Variants in SPTLC3 observed in about 807,000 individuals in gnomAD.
SPTLC3 encodes serine palmitoyltransferase long chain base subunit 3, also known as serine palmitoyltransferase 3.
SPTLC3 carries 36 observed loss-of-function variants against 59.3 expected under a neutral mutation model. The observed-to-expected ratio is 0.61, with a 90% confidence interval of 0.47 to 0.80. The LOEUF (loss-of-function observed/expected upper bound fraction) is 0.80. Ranked by LOEUF, SPTLC3 falls within the 30% of genes least tolerant of loss-of-function variation. SPTLC3 has a pLI of 0.00. For synonymous variants in SPTLC3, 257 were observed against 240.8 expected (o/e 1.07, Z -0.62); for missense variants, 625 against 685.1 (o/e 0.91, Z 0.98).
chr20:13,067,863 A>G (rs1385758686), intron 2 of SPTLC3, among the ~76,000 whole-genome samples: 2 of 152,240 alleles, frequency 1.3e-5, no homozygotes, highest in African/African-American at 4.8e-5. Context: ...TGAAGTGTCA[A>G]TGTAGACGCA....
At chr20:13,078,415 C>T (rs889920519) in intron 4 of SPTLC3, among the ~76,000 whole-genome samples, 1 of 151,342 alleles carries the variant, frequency 6.6e-6, no homozygotes, top group African/African-American at 2.4e-5. Context: ...AATTCATTAT[C>T]CATTTCTCTA....
chr20:13,111,960 C>T (rs575049398), intron 7 of SPTLC3, among the ~76,000 whole-genome samples: 1 of 152,302 alleles, frequency 6.6e-6, no homozygotes, highest in Non-Finnish European at 1.5e-5. Context: ...CTGCATCCCA[C>T]CACTTCAGAA....
chr20:13,021,657 G>C (rs564553242), intron 1 of SPTLC3, among the ~76,000 whole-genome samples: 1 of 147,960 alleles, frequency 6.8e-6, no homozygotes. Context: ...CTTAGATTGT[G>C]TGGTCCAACT....
At chr20:13,099,103 G>A (rs1157732438) in intron 6 of SPTLC3, among the ~76,000 whole-genome samples, 3 of 152,142 alleles carry the variant, frequency 2.0e-5, no homozygotes, top group Non-Finnish European at 4.4e-5. Context: ...AATTCAGGCC[G>A]CAAAACAGCT....
chr20:13,115,416 GC>G lies in SPTLC3; in HGVS notation c.933-2086del, dbSNP rs765648686. ...CAGGCTCCTAACATCAGCTAGACCA[GC>G]CCCATGGAAGGATGGTTAATTAGCT... is the stretch of plus-strand genomic sequence containing the variant. On this transcript the variant is annotated intron_variant, in intron 7 of 11. Transcript: ENST00000399002. 9.9e-5 allele frequency among the ~76,000 whole-genome samples: 15 copies of G among 152,238 alleles called. No individual in the cohort carries two copies. In the East Asian group the frequency reaches 2.3e-3, roughly 24 times the overall value.
At chr20:13,163,043 C>T (rs1375524876) in intron 11 of SPTLC3, among the ~76,000 whole-genome samples, 1 of 152,058 alleles carries the variant, frequency 6.6e-6, no homozygotes, top group Non-Finnish European at 1.5e-5. Context: ...ATATAAGAGA[C>T]ACACAAATAA....
intron 4 of SPTLC3, among the ~76,000 whole-genome samples, chr20:13,080,465 G>A (rs189856166): frequency 1.0e-3 from 136 of 134,772 alleles, no homozygotes; most frequent in Middle Eastern, 5.3e-3. Context: ...CCGAGATTGC[G>A]CCACTGTACT....
intron 1 of SPTLC3, among the ~76,000 whole-genome samples, chr20:13,028,692 GA>G (rs1201640344): frequency 7.0e-6 from 1 of 143,132 alleles, no homozygotes; most frequent in Non-Finnish European, 1.5e-5. Flanking sequence ...GTAGATACAA[GA>G]TAAGAATGGA....
intron 1 of SPTLC3, among the ~76,000 whole-genome samples, chr20:13,039,606 A>G (rs117362423): frequency 6.6e-6 from 1 of 152,186 alleles, no homozygotes; most frequent in East Asian, 1.9e-4. Flanking sequence ...ATCCATTCAC[A>G]TCTTCTGTTA....
At chr20:13,130,105 G>A (rs1301512679) in intron 9 of SPTLC3, among the ~76,000 whole-genome samples, 2 of 152,230 alleles carry the variant, frequency 1.3e-5, no homozygotes, top group Non-Finnish European at 2.9e-5. Context: ...AGTTCTGCCT[G>A]ACACATCTTT....
intron 7 of SPTLC3, among the ~76,000 whole-genome samples, chr20:13,116,650 A>G (rs1990569841): frequency 6.6e-6 from 1 of 152,126 alleles, no homozygotes; most frequent in Non-Finnish European, 1.5e-5. Context: ...GTCCCAGATC[A>G]CAGGACTTGA....
intron 6 of SPTLC3, among the ~76,000 whole-genome samples, chr20:13,107,775 C>CTT (rs34968369): frequency 1.4e-5 from 2 of 142,000 alleles, no homozygotes; most frequent in Non-Finnish European, 1.5e-5. Flanking sequence ...GGAAAATGAC[C>CTT]TTTTTTTTTT....
chr20:13,124,803 C>CA, intron 8 of SPTLC3, among the ~76,000 whole-genome samples: 1 of 152,146 alleles, frequency 6.6e-6, no homozygotes, highest in Non-Finnish European at 1.5e-5. Context: ...AAGTGATGGG[C>CA]AGGGACCAGG....
chr20:13,140,801 G>C (rs1053740212), intron 9 of SPTLC3, among the ~76,000 whole-genome samples: 6 of 152,164 alleles, frequency 3.9e-5, no homozygotes, highest in Non-Finnish European at 7.3e-5. Context: ...GGAAAAAAGA[G>C]TGACACTTAT....
chr20:13,041,388 C>T (rs751883139), intron 1 of SPTLC3, among the ~76,000 whole-genome samples: 5 of 152,074 alleles, frequency 3.3e-5, no homozygotes, highest in Non-Finnish European at 7.4e-5. Flanking sequence ...TATTGAGCCC[C>T]TCTAGTAAGT....
At chr20:13,069,073 C>G (rs951725475) in intron 2 of SPTLC3, among the ~76,000 whole-genome samples, 1 of 152,152 alleles carries the variant, frequency 6.6e-6, no homozygotes, top group Non-Finnish European at 1.5e-5. Flanking sequence ...GCTGGGAAGC[C>G]ATGGGCTGTT....
intron 1 of SPTLC3, among the ~76,000 whole-genome samples, chr20:13,011,952 A>G (rs913191847): frequency 2.0e-5 from 3 of 152,046 alleles, no homozygotes; most frequent in Admixed American, 2.0e-4. Context: ...TAAACTTGAT[A>G]TTTCTTATAA....
chr20:13,010,465 G>A (rs112528844), intron 1 of SPTLC3, among the ~76,000 whole-genome samples: 1,557 of 152,298 alleles, frequency 0.01, 30 homozygotes, highest in African/African-American at 0.033. Context: ...GAGCTCTAGA[G>A]CCTGAGTTGT....
intron 9 of SPTLC3, among the ~76,000 whole-genome samples, chr20:13,139,866 T>A (rs372276486): frequency 1.3e-5 from 2 of 152,208 alleles, no homozygotes; most frequent in Non-Finnish European, 2.9e-5. Flanking sequence ...AAAAATAAAG[T>A]CTAAAGGACT....
Sources: allele counts gnomAD v4.1 joint callset (sites outside exome capture counted in the v4.1 genomes callset), GRCh38; gene constraint gnomAD v4.1.1; transcripts MANE v1.5; gene names NCBI Gene and HGNC (gene_info 2026-07-23, HGNC 2026-07-21).